The following EBF1 variants were observed in gnomAD, a reference collection of about 807,000 sequenced individuals.
EBF1 encodes transcription factor COE1.
A neutral mutation model predicts 68.4 loss-of-function variants in EBF1; 10 were observed. That is an observed-to-expected ratio of 0.15 (90% CI 0.09 to 0.25). The LOEUF (loss-of-function observed/expected upper bound fraction) is 0.25. Among genes scored for constraint, EBF1 ranks in the 10% least tolerant of loss-of-function variants. The pLI is 1.00. For missense variants in EBF1, 509 were observed against 794.4 expected (o/e 0.64, Z 4.32); for synonymous variants, 298 against 299.8 (o/e 0.99, Z 0.06).
Position 159,099,526 on chromosome 5 carries a change from T to TAAA in EBF1, c.-51_-49dup, listed in dbSNP as rs5872586. The TAAA allele has an allele frequency of 5.3e-5, 58 of 1,103,764 alleles. No individual in the cohort carries two copies. Among genetic ancestry groups the TAAA allele is most frequent in the South Asian group, 2.7e-4 (10 of 36,810 alleles). 68.4% of individuals were successfully genotyped at this position (1,103,764 alleles called of 1,614,324 possible). A position where few individuals can be genotyped will look rare whatever the true frequency, so the allele number is the denominator to read the frequency against. On this transcript the variant is annotated 5_prime_UTR_variant, in exon 1 of 16. Coordinates refer to ENST00000313708, the MANE Select transcript of EBF1 (RefSeq NM_024007.5). ...AAATCTCCTCCCCCTTGAAAAAAAT[T>TAAA]AAAAAAAAAAAAAAAGGAAAGAAAA... is the stretch of plus-strand genomic sequence containing the variant.
intron 6 of EBF1, among the ~76,000 whole-genome samples, chr5:158,950,381 C>T (rs533314686): frequency 6.6e-6 from 1 of 152,334 alleles, no homozygotes; most frequent in South Asian, 2.1e-4. Flanking sequence ...TATTTCACAA[C>T]AAAACTTCAG....
chr5:158,788,446 C>T (rs1354288858), intron 9 of EBF1, among the ~76,000 whole-genome samples: 1 of 152,064 alleles, frequency 6.6e-6, no homozygotes, highest in Non-Finnish European at 1.5e-5. Flanking sequence ...TGGAATAGAA[C>T]ATAAATTAAA....
At position 158,937,996 on chromosome 5, in the gene EBF1, G is replaced by A. The variant is rs1484784916; in HGVS notation, c.555-97886C>T. ...AGAGCCATGAGAATAATGTCTCGTCGTGGACCTGGCATGTTCACACTATAA... is the reference window on the plus strand; with the variant it reads ...AGAGCCATGAGAATAATGTCTCGTCATGGACCTGGCATGTTCACACTATAA... On this transcript the variant is annotated intron_variant, in intron 6 of 15. Transcript: ENST00000313708. Among the ~76,000 whole-genome samples the A allele has an allele frequency of 3.9e-5, 6 of 152,274 alleles. No individual in the cohort carries two copies. The East Asian group carries it at 9.6e-4, about 24-fold the overall frequency.
At chr5:158,823,154 C>T (rs1322965902) in intron 8 of EBF1, 22 bp downstream of exon 8, 2 of 1,613,712 alleles carry the variant, frequency 1.2e-6, no homozygotes, top group Non-Finnish European at 1.7e-6. Context: ...GCAATGCCAA[C>T]CAATGAAAAT....
chr5:158,993,077 C>T (rs926653465), intron 6 of EBF1, among the ~76,000 whole-genome samples: 4 of 150,652 alleles, frequency 2.7e-5, no homozygotes, highest in Non-Finnish European at 4.4e-5. Context: ...TACAGGTGCA[C>T]GCTGCTACAC....
chr5:158,750,244 T>C (rs143760083), intron 10 of EBF1, among the ~76,000 whole-genome samples: 54 of 152,298 alleles, frequency 3.5e-4, no homozygotes, highest in Non-Finnish European at 5.9e-4. Context: ...TTTCCTGAAA[T>C]ATCAGATCAA....
chr5:159,048,396 C>T (rs911300768), intron 6 of EBF1, among the ~76,000 whole-genome samples: 6 of 152,222 alleles, frequency 3.9e-5, no homozygotes, highest in African/African-American at 1.2e-4. Context: ...CCTGCTATGT[C>T]GTGGCTTCCT....
At position 158,839,423 on chromosome 5, in the gene EBF1, G is replaced by A. The variant is rs146485122; in HGVS notation, c.636+606C>T. On this transcript the variant is annotated intron_variant, in intron 7 of 15. Transcript: ENST00000313708. ...GGTGGGGGGTATAGGATCTTACTCC[G>A]TTATCCAGGCTGGAGTGCAGTGGCA... Among the ~76,000 whole-genome samples the A allele has an allele frequency of 6.3e-3, 955 of 152,194 alleles. 8 individuals are homozygous for A. The highest frequency in any genetic ancestry group is 0.027 in the Middle Eastern group (8 of 294).
chr5:159,026,296 A>G (rs542994956), intron 6 of EBF1, among the ~76,000 whole-genome samples: 1 of 151,506 alleles, frequency 6.6e-6, no homozygotes, highest in East Asian at 1.9e-4. Context: ...TTTTTTTAAT[A>G]TAAGTTGGAC....
At chr5:159,018,311 G>A (rs1488080851) in intron 6 of EBF1, among the ~76,000 whole-genome samples, 2 of 152,242 alleles carry the variant, frequency 1.3e-5, no homozygotes, top group Middle Eastern at 3.2e-3. Context: ...GGGAGTTAGT[G>A]TCTCAAGTCA....
At chr5:158,756,145 C>T (rs1770038361) in intron 10 of EBF1, among the ~76,000 whole-genome samples, 1 of 152,050 alleles carries the variant, frequency 6.6e-6, no homozygotes, top group Non-Finnish European at 1.5e-5. Flanking sequence ...GTTGAGCCCC[C>T]CAGATTCCAG....
At chr5:158,966,738 T>C (rs1754231460) in intron 6 of EBF1, among the ~76,000 whole-genome samples, 2 of 152,170 alleles carry the variant, frequency 1.3e-5, no homozygotes, top group Admixed American at 6.5e-5. Flanking sequence ...CAGTTAAACT[T>C]GTCCCCCCGA....
At position 159,097,181 on chromosome 5, in the gene EBF1, C is replaced by T. The variant is rs188112424; in HGVS notation, c.135-51G>A. The T allele has an allele frequency of 1.3e-5, 20 of 1,570,554 alleles. No homozygotes were observed. In the East Asian group the frequency reaches 4.6e-4, roughly 36 times the overall value. ...TGGCTAAACCGGACGCCGACCCGCG[C>T]CCCTTGTCACCCTGTACACACACTC... On this transcript the variant is annotated intron_variant, in intron 1 of 15. Transcript: ENST00000313708.
At chr5:158,843,250 C>G (rs1316565819) in intron 6 of EBF1, among the ~76,000 whole-genome samples, 3 of 152,156 alleles carry the variant, frequency 2.0e-5, no homozygotes, top group Non-Finnish European at 4.4e-5. Context: ...CTAGAAGGAG[C>G]TGTCAGCACA....
intron 8 of EBF1, among the ~76,000 whole-genome samples, chr5:158,808,332 A>T (rs1781979484): frequency 6.6e-6 from 1 of 152,092 alleles, no homozygotes; most frequent in Non-Finnish European, 1.5e-5. Flanking sequence ...TCTACTACAT[A>T]ATTATTAGTT....
chr5:159,007,779 T>C (rs894164451), intron 6 of EBF1, among the ~76,000 whole-genome samples: 4 of 152,140 alleles, frequency 2.6e-5, no homozygotes, highest in Admixed American at 2.6e-4. Flanking sequence ...GTTCCAATTT[T>C]TTTTTTCAAA....
intron 10 of EBF1, among the ~76,000 whole-genome samples, chr5:158,773,477 A>T (rs763527503): frequency 6.6e-6 from 1 of 152,142 alleles, no homozygotes; most frequent in Admixed American, 6.5e-5. Context: ...AAGTGACCTA[A>T]CCAGACATCT....
intron 6 of EBF1, among the ~76,000 whole-genome samples, chr5:159,055,090 G>A (rs905130286): frequency 1.3e-5 from 2 of 152,118 alleles, no homozygotes; most frequent in Non-Finnish European, 2.9e-5. Context: ...CTTATTACCT[G>A]GCTGATCCCT....
intron 4 of EBF1, among the ~76,000 whole-genome samples, chr5:159,095,390 C>G (rs375398497): frequency 1.3e-5 from 2 of 152,302 alleles, no homozygotes; most frequent in South Asian, 2.1e-4. Context: ...AGTCTTAATT[C>G]ACAAGGCCCG....
Sources: allele counts gnomAD v4.1 joint callset (sites outside exome capture counted in the v4.1 genomes callset), GRCh38; gene constraint gnomAD v4.1.1; transcripts MANE v1.5; gene names NCBI Gene and HGNC (gene_info 2026-07-23, HGNC 2026-07-21).